FHIT: variants seen among roughly 807,000 people sequenced by gnomAD.
FHIT encodes the protein fragile histidine triad diadenosine triphosphatase, also known as bis(5'-adenosyl)-triphosphatase.
A neutral mutation model predicts 17.9 loss-of-function variants in FHIT; 19 were observed. The ratio of observed to expected loss-of-function variants is 1.06; its 90% CI spans 0.74 to 1.56. The LOEUF is 1.56. FHIT is among the 40% of genes most tolerant of loss of function. FHIT has a pLI of 0.00. For synonymous variants in FHIT, 81 were observed against 69.7 expected (o/e 1.16, Z -0.81); for missense variants, 248 against 189.2 (o/e 1.31, Z -1.82).
At chr3:60,170,290 A>G (rs571349407) in intron 5 of FHIT, among the ~76,000 whole-genome samples, 32 of 152,314 alleles carry the variant, frequency 2.1e-4, no homozygotes, top group African/African-American at 6.7e-4. Context: ...AAGGAATCAC[A>G]GAAGGAAGTG....
At chr3:60,453,918 G>T (rs1257937384) in intron 5 of FHIT, among the ~76,000 whole-genome samples, 2 of 152,236 alleles carry the variant, frequency 1.3e-5, no homozygotes, top group African/African-American at 2.4e-5. Context: ...AAAAGTTTCA[G>T]GGGAGAGAGG....
rs1702775363 is a variant in FHIT at position 60,842,643 on chromosome 3, ATATTTTTT to A, written c.-110-20640_-110-20633del. Among the ~76,000 whole-genome samples, 39 of 48,240 alleles carry A rather than the reference ATATTTTTT, an allele frequency of 8.1e-4. 1 individual carries two copies. Among genetic ancestry groups the A allele is most frequent in the African/African-American group, 2.0e-3 (36 of 17,920 alleles). 31.6% of individuals were successfully genotyped at this position (48,240 alleles called of 152,430 possible). On this transcript the variant is annotated intron_variant, in intron 3 of 9. Transcript: ENST00000492590. Reference sequence around the variant, plus strand: ...TATATATGAGTGTATATATATATATATATTTTTTTTTTTTTTTTTTTCCCTTGCTAGGC... The same window carrying A: ...TATATATGAGTGTATATATATATATATTTTTTTTTTTTTCCCTTGCTAGGC...
At chr3:60,066,924 G>T (rs530842951) in intron 5 of FHIT, among the ~76,000 whole-genome samples, 1 of 152,046 alleles carries the variant, frequency 6.6e-6, no homozygotes, top group Admixed American at 6.6e-5. Flanking sequence ...GATTACAGGC[G>T]TGAGCCACTG....
intron 5 of FHIT, among the ~76,000 whole-genome samples, chr3:60,333,842 T>A (rs961092131): frequency 3.3e-5 from 5 of 152,172 alleles, no homozygotes; most frequent in African/African-American, 1.2e-4. Context: ...CTCACCAGAT[T>A]ACTGTATTTG....
At chr3:60,216,594 G>A (rs1703709400) in intron 5 of FHIT, among the ~76,000 whole-genome samples, 1 of 152,112 alleles carries the variant, frequency 6.6e-6, no homozygotes, top group South Asian at 2.1e-4. Flanking sequence ...ATACTGAGCT[G>A]AAATACTCTA....
At chr3:61,189,115 T>C (rs988162903) in intron 2 of FHIT, among the ~76,000 whole-genome samples, 8 of 152,156 alleles carry the variant, frequency 5.3e-5, no homozygotes, top group Admixed American at 1.3e-4. Context: ...ATAAAGGGTA[T>C]TGAATTAGGA....
chr3:61,148,373 C>T (rs1012028453), intron 2 of FHIT, among the ~76,000 whole-genome samples: 13 of 152,154 alleles, frequency 8.5e-5, no homozygotes, highest in Non-Finnish European at 1.6e-4. Flanking sequence ...TAGCAATAGT[C>T]TCCTAGCTCC....
At chr3:60,437,393 C>G (rs2594248) in intron 5 of FHIT, among the ~76,000 whole-genome samples, 105,959 of 151,920 alleles carry the variant, frequency 0.7, 37,607 homozygotes, top group Non-Finnish European at 0.75. Context: ...TCTTAGGAGG[C>G]CTTCCTGTCA....
chr3:60,299,538 T>C (rs1708360347), intron 5 of FHIT, among the ~76,000 whole-genome samples: 1 of 152,136 alleles, frequency 6.6e-6, no homozygotes, highest in Non-Finnish European at 1.5e-5. Context: ...ATGATGCCAC[T>C]TTTGCCTGCC....
chr3:60,201,022 G>C (rs951132763), intron 5 of FHIT, among the ~76,000 whole-genome samples: 9 of 152,092 alleles, frequency 5.9e-5, no homozygotes, highest in African/African-American at 2.2e-4. Context: ...GTTCAGCTGG[G>C]AAGACAACCA....
intron 3 of FHIT, among the ~76,000 whole-genome samples, chr3:60,998,829 T>A (rs1165744638): frequency 1.3e-5 from 2 of 152,126 alleles, no homozygotes; most frequent in Non-Finnish European, 1.5e-5. Flanking sequence ...TAACTTTTTT[T>A]AAAAAGAGAA....
chr3:59,959,775 C>G (rs1164977202), intron 7 of FHIT, among the ~76,000 whole-genome samples: 2 of 152,102 alleles, frequency 1.3e-5, no homozygotes, highest in African/African-American at 2.4e-5. Context: ...TGAGATAATA[C>G]TTGAAAGGAA....
intron 3 of FHIT, among the ~76,000 whole-genome samples, chr3:60,932,817 C>A (rs1333977579): frequency 6.6e-6 from 1 of 152,116 alleles, no homozygotes; most frequent in Non-Finnish European, 1.5e-5. Flanking sequence ...AGGAGGGTAG[C>A]CCCTAGCAGT....
At chr3:60,275,027 T>C (rs1707056456) in intron 5 of FHIT, among the ~76,000 whole-genome samples, 1 of 152,166 alleles carries the variant, frequency 6.6e-6, no homozygotes. Context: ...AACTTTCTTT[T>C]CATTCATTTA....
chr3:60,787,004 G>GAAAAAAAAA (rs11445450), intron 4 of FHIT, among the ~76,000 whole-genome samples: 2 of 135,816 alleles, frequency 1.5e-5, no homozygotes, highest in African/African-American at 2.7e-5. Context: ...AAGACAAAAA[G>GAAAAAAAAA]AAAAAAAAAA....
chr3:59,942,807 G>T (rs1379403864), intron 7 of FHIT, among the ~76,000 whole-genome samples: 3 of 151,812 alleles, frequency 2.0e-5, no homozygotes, highest in African/African-American at 7.3e-5. Flanking sequence ...CACCACATTG[G>T]CTAATATTTT....
intron 8 of FHIT, among the ~76,000 whole-genome samples, chr3:59,859,406 G>A (rs982133957): frequency 6.6e-6 from 1 of 152,136 alleles, no homozygotes; most frequent in East Asian, 1.9e-4. Flanking sequence ...AGGAAAACAC[G>A]AGACAGGGAA....
chr3:60,278,935 A>T (rs1198680695), intron 5 of FHIT, among the ~76,000 whole-genome samples: 1 of 152,166 alleles, frequency 6.6e-6, no homozygotes, highest in Non-Finnish European at 1.5e-5. Context: ...TCAAAAAAGA[A>T]GAAAGATCTA....
At chr3:60,272,823 C>T (rs371188664) in intron 5 of FHIT, among the ~76,000 whole-genome samples, 1 of 152,200 alleles carries the variant, frequency 6.6e-6, no homozygotes, top group African/African-American at 2.4e-5. Flanking sequence ...CAAACGGATA[C>T]TGTGATTTTG....
Sources: allele counts gnomAD v4.1 joint callset (sites outside exome capture counted in the v4.1 genomes callset), GRCh38; gene constraint gnomAD v4.1.1; transcripts MANE v1.5; gene names NCBI Gene and HGNC (gene_info 2026-07-23, HGNC 2026-07-21).